Variants in DLG1 observed in about 807,000 individuals in gnomAD.
DLG1 encodes disks large homolog 1.
In DLG1, 42 loss-of-function variants were observed where a neutral mutation model predicts 123.4. The ratio of observed to expected loss-of-function variants is 0.34; its 90% confidence interval spans 0.27 to 0.44. The LOEUF is 0.44. Ranked by LOEUF, DLG1 falls within the 20% of genes least tolerant of loss-of-function variation. DLG1 has a pLI of 1.00. For synonymous variants in DLG1, 317 were observed against 356.2 expected (o/e 0.89, Z 1.24); for missense variants, 942 against 1,082.6 (o/e 0.87, Z 1.82).
chr3:197,203,725 C>A (rs1727059277), intron 4 of DLG1, among the ~76,000 whole-genome samples: 1 of 152,176 alleles, frequency 6.6e-6, no homozygotes, highest in Admixed American at 6.5e-5. Context: ...AAAAATTATC[C>A]TTTCAAGAGC....
chr3:197,105,642 T>C (rs560872920), intron 13 of DLG1, among the ~76,000 whole-genome samples: 2 of 152,354 alleles, frequency 1.3e-5, no homozygotes, highest in African/African-American at 4.8e-5. Context: ...GGTACAATCC[T>C]ACTCCAGAAG....
rs143647830 is a variant in DLG1, at chr3:197,275,805, T to C, written c.318+6874A>G. 1.3e-4 allele frequency among the ~76,000 whole-genome samples: 20 copies of C among 152,252 alleles called. No individual in the cohort carries two copies. The East Asian group carries it at 3.9e-3, about 29-fold the overall frequency. ...GGGTACAAAAATACAATTAGAAGTG[T>C]TCAATAGCACAGTAGGTGACTATAG... On this transcript the variant is annotated intron_variant, in intron 4 of 24. Coordinates refer to ENST00000667157, the MANE Select transcript of DLG1 (RefSeq NM_001366207.1).
rs918363844 is a variant in DLG1 at position 197,296,506 on chromosome 3, A to C, written c.20-29T>G. 5 of 1,607,390 alleles carry C rather than the reference A, an allele frequency of 3.1e-6. No individual in the cohort carries two copies. The African/African-American group carries it at 6.7e-5, about 22-fold the overall frequency. On this transcript the variant is annotated intron_variant, in intron 2 of 24. Coordinates refer to ENST00000667157, the MANE Select transcript of DLG1 (RefSeq NM_001366207.1). ...AGAAGAAAAAGCAGAGCCTGATTAA[A>C]ACTCTCTATTTACAAAAAAAGTATC...
intron 17 of DLG1, among the ~76,000 whole-genome samples, chr3:197,079,780 ATT>A (rs1749693460): frequency 6.6e-6 from 1 of 152,106 alleles, no homozygotes. Flanking sequence ...GAAAGCTACA[ATT>A]TTAAAGGAAT....
intron 4 of DLG1, among the ~76,000 whole-genome samples, chr3:197,218,207 C>T (rs1735046861): frequency 1.3e-5 from 2 of 152,132 alleles, no homozygotes; most frequent in Non-Finnish European, 1.5e-5. Flanking sequence ...CCAACACTTA[C>T]AAAAACGATG....
At chr3:197,096,168 GTTTACATCTGTATC>G (rs1368545110) in intron 14 of DLG1, among the ~76,000 whole-genome samples, 1 of 152,148 alleles carries the variant, frequency 6.6e-6, no homozygotes, top group African/African-American at 2.4e-5. Flanking sequence ...AGATATTTAT[GTTTACATCTGTATC>G]AATGGAAAAC....
At chr3:197,120,250 G>A (rs1289320091) in intron 11 of DLG1, among the ~76,000 whole-genome samples, 1 of 145,492 alleles carries the variant, frequency 6.9e-6, no homozygotes, top group Non-Finnish European at 1.5e-5. Flanking sequence ...AGGTGACAGA[G>A]TGAGATGCCC....
chr3:197,167,546 T>C (rs1426689955), intron 5 of DLG1, among the ~76,000 whole-genome samples: 1 of 152,256 alleles, frequency 6.6e-6, no homozygotes, highest in Non-Finnish European at 1.5e-5. Flanking sequence ...ACCAAAGGTA[T>C]ATAACTTGAA....
intron 4 of DLG1, among the ~76,000 whole-genome samples, chr3:197,256,526 A>G (rs1756951242): frequency 6.6e-6 from 1 of 152,266 alleles, no homozygotes; most frequent in Non-Finnish European, 1.5e-5. Context: ...AGAGGTTTAA[A>G]TTTGCTCAAC....
At chr3:197,277,605 T>G (rs1767117712) in intron 4 of DLG1, among the ~76,000 whole-genome samples, 2 of 152,106 alleles carry the variant, frequency 1.3e-5, no homozygotes. Flanking sequence ...CCTCCAAAAG[T>G]GCTAGGATTA....
chr3:197,290,619 G>A (rs951834650), intron 3 of DLG1, among the ~76,000 whole-genome samples: 3 of 152,156 alleles, frequency 2.0e-5, no homozygotes, highest in Admixed American at 6.5e-5. Flanking sequence ...TTAAAAAAAA[G>A]TAAGAGTGGA....
intron 4 of DLG1, 97 bp from the exon 5 acceptor site, chr3:197,194,686 A>C: frequency 1.3e-6 from 1 of 767,800 alleles, no homozygotes; most frequent in South Asian, 2.1e-5. Flanking sequence ...ATATTTAGCA[A>C]TATAAAAAGT....
intron 5 of DLG1, among the ~76,000 whole-genome samples, chr3:197,185,512 T>C (rs1400890642): frequency 6.6e-6 from 1 of 152,126 alleles, no homozygotes; most frequent in Non-Finnish European, 1.5e-5. Flanking sequence ...AGTGATCCTA[T>C]CTAATTCGGA....
chr3:197,297,300 G>C (rs1777906078), intron 1 of DLG1, 65 bp from the exon 2 acceptor site: 1 of 1,585,600 alleles, frequency 6.3e-7, no homozygotes, highest in Non-Finnish European at 8.6e-7. Context: ...TTCCCCTATC[G>C]AAATAGAAAA....
intron 4 of DLG1, among the ~76,000 whole-genome samples, chr3:197,220,556 C>T (rs1263795007): frequency 6.6e-6 from 1 of 152,170 alleles, no homozygotes; most frequent in Middle Eastern, 3.2e-3. Context: ...TATGGGGCCA[C>T]TGCTATCAGC....
Position 197,296,626 on chromosome 3 carries a change from T to C in DLG1, c.20-149A>G, listed in dbSNP as rs542507476. 56 of 584,288 alleles carry C rather than the reference T, an allele frequency of 9.6e-5. 1 individual carries two copies. Among genetic ancestry groups the C allele is most frequent in the South Asian group, 9.1e-4 (28 of 30,776 alleles). 36.2% of individuals were successfully genotyped at this position (584,288 alleles called of 1,614,324 possible). A position where few individuals can be genotyped will look rare whatever the true frequency, so the allele number is the denominator to read the frequency against. On this transcript the variant is annotated intron_variant, in intron 2 of 24. Transcript: ENST00000667157. ...ACTATGTTCATGTACACATATTCCT[T>C]AGAATGACCAAAAAATAAAAAAAAA... is the stretch of plus-strand genomic sequence containing the variant.
chr3:197,140,952 G>T (rs1787649560), intron 7 of DLG1, among the ~76,000 whole-genome samples: 2 of 152,132 alleles, frequency 1.3e-5, no homozygotes, highest in South Asian at 4.1e-4. Context: ...CTTGTTTTAT[G>T]AACTGGAGAA....
rs1387312070 is a variant in DLG1 at position 197,128,948 on chromosome 3, T to C, written c.1165+1579A>G. Among the ~76,000 whole-genome samples, 11 of 152,232 alleles carry C rather than the reference T, an allele frequency of 7.2e-5. 1 individual carries two copies. The highest frequency in any genetic ancestry group is 6.5e-4 in the Admixed American group (10 of 15,288). ...CATTCAGGCTTTGTTGCTTCAGTTATAGAGCACAGGTTTCATTACAGTTAT... is the reference window on the plus strand; with the variant it reads ...CATTCAGGCTTTGTTGCTTCAGTTACAGAGCACAGGTTTCATTACAGTTAT... On this transcript the variant is annotated intron_variant, in intron 11 of 24. Transcript: ENST00000667157.
chr3:197,063,254 T>TC (rs1241655117), intron 22 of DLG1, among the ~76,000 whole-genome samples: 4 of 152,122 alleles, frequency 2.6e-5, no homozygotes. Context: ...ATTTTGCTTT[T>TC]CCCCCATCTT....
Sources: gnomAD v4.1 joint callset for allele counts (sites outside exome capture counted in the v4.1 genomes callset) on GRCh38, gnomAD v4.1.1 for gene constraint, MANE v1.5 for transcripts, NCBI Gene and HGNC (gene_info 2026-07-23, HGNC 2026-07-21) for gene names.